Variants in KCNT2 observed in about 807,000 individuals in gnomAD.
The protein encoded by KCNT2 is potassium channel subfamily T member 2.
KCNT2 carries 67 observed loss-of-function variants against 153.8 expected under a neutral mutation model. The ratio of observed to expected loss-of-function variants is 0.44; its 90% CI spans 0.36 to 0.53. The LOEUF (loss-of-function observed/expected upper bound fraction) is 0.53. KCNT2 is among the 20% of genes least tolerant of loss of function. KCNT2 has a pLI of 0.00. For synonymous variants in KCNT2, 500 were observed against 458.8 expected (o/e 1.09, Z -1.15); for missense variants, 975 against 1,354.8 (o/e 0.72, Z 4.40).
rs182433525 is a variant in KCNT2, at chr1:196,298,097, G to A, written c.2595+7137C>T. ...CCAATCACTGGTAGAAATTCTTATCGTTTTGTTCTACCACTGACTATAAAA... is the reference window on the plus strand; with the variant it reads ...CCAATCACTGGTAGAAATTCTTATCATTTTGTTCTACCACTGACTATAAAA... On this transcript the variant is annotated intron_variant, in intron 22 of 27. Coordinates refer to ENST00000294725, the MANE Select transcript of KCNT2 (RefSeq NM_198503.5). Among the ~76,000 whole-genome samples, 175 of 152,124 alleles carry A rather than the reference G, an allele frequency of 1.2e-3. 2 individuals are homozygous for A. Among genetic ancestry groups the A allele is most frequent in the African/African-American group, 3.8e-3 (158 of 41,498 alleles).
At chr1:196,426,132 G>A (rs1008819357) in intron 10 of KCNT2, 144 bp from the exon 11 acceptor site, 6 of 610,184 alleles carry the variant, frequency 9.8e-6, no homozygotes, top group South Asian at 6.4e-5. Flanking sequence ...TTTAAAACCT[G>A]GACATATATT....
intron 12 of KCNT2, among the ~76,000 whole-genome samples, chr1:196,408,037 T>C (rs573229726): frequency 1.4e-4 from 21 of 151,564 alleles, no homozygotes; most frequent in Admixed American, 9.9e-4. Context: ...TCTGCTCCTT[T>C]GGGATGTGAA....
At chr1:196,597,566 A>C (rs890411893) in intron 1 of KCNT2, among the ~76,000 whole-genome samples, 1 of 152,114 alleles carries the variant, frequency 6.6e-6, no homozygotes, top group Non-Finnish European at 1.5e-5. Context: ...CCACAGGATA[A>C]ATTTTCTTTA....
rs1675581226 is a variant in KCNT2, at chr1:196,445,182, T to C, written c.639-15425A>G. 2.6e-5 allele frequency among the ~76,000 whole-genome samples: 4 copies of C among 151,380 alleles called. No individual in the cohort carries two copies. The South Asian group carries it at 8.3e-4, about 31-fold the overall frequency. On this transcript the variant is annotated intron_variant, in intron 8 of 27. Transcript: ENST00000294725. Reference sequence around the variant, plus strand: ...CAGATTTGATAAAAATAAAATAATATATGTATACATCCCATCTTCTTTACT... The same window carrying C: ...CAGATTTGATAAAAATAAAATAATACATGTATACATCCCATCTTCTTTACT...
chr1:196,589,004 A>G (rs1663020443), intron 1 of KCNT2, among the ~76,000 whole-genome samples: 1 of 151,992 alleles, frequency 6.6e-6, no homozygotes, highest in Admixed American at 6.6e-5. Flanking sequence ...AGAATGTAAA[A>G]TATCAACATC....
In KCNT2 at chr1:196,225,788, T is replaced by G. The variant is rs765642161; in HGVS notation, c.*2436A>C. ...AAAAAAAAATCAAGAGTTTTCATCATTAGAAATAATTTTATTATTTATTTT... is the reference window on the plus strand; with the variant it reads ...AAAAAAAAATCAAGAGTTTTCATCAGTAGAAATAATTTTATTATTTATTTT... On this transcript the variant is annotated 3_prime_UTR_variant, in exon 28 of 28. Transcript: ENST00000294725. 6.6e-6 allele frequency: 1 copy of G among 152,194 alleles called. No homozygotes were observed. Among genetic ancestry groups the G allele is most frequent in the Non-Finnish European group, 1.5e-5 (1 of 68,006 alleles). 9.4% of individuals were successfully genotyped at this position (152,194 alleles called of 1,614,324 possible). A position where few individuals can be genotyped will look rare whatever the true frequency, so the allele number is the denominator to read the frequency against.
intron 8 of KCNT2, among the ~76,000 whole-genome samples, chr1:196,457,788 T>C (rs1676807476): frequency 6.6e-6 from 1 of 151,936 alleles, no homozygotes; most frequent in Non-Finnish European, 1.5e-5. Flanking sequence ...GTTAACTTAG[T>C]GAACAGCCTG....
rs555938555 is a variant in KCNT2 at position 196,583,724 on chromosome 1, T to C, written c.95+24491A>G. Among the ~76,000 whole-genome samples, 3 of 151,460 alleles carry C rather than the reference T, an allele frequency of 2.0e-5. No homozygotes were observed. The South Asian group carries it at 6.3e-4, about 32-fold the overall frequency. On this transcript the variant is annotated intron_variant, in intron 1 of 27. Transcript: ENST00000294725. Reference sequence around the variant, plus strand: ...GAGGAGGAGAATCAGAAAAAAAAAATTGTTCATTGGACCTGGCATGAAAAA... The same window carrying C: ...GAGGAGGAGAATCAGAAAAAAAAAACTGTTCATTGGACCTGGCATGAAAAA...
At chr1:196,591,941 TTA>T (rs1448849287) in intron 1 of KCNT2, among the ~76,000 whole-genome samples, 1 of 152,158 alleles carries the variant, frequency 6.6e-6, no homozygotes, top group African/African-American at 2.4e-5. Context: ...ATGCATTTAA[TTA>T]TATGTTTCTG....
intron 26 of KCNT2, among the ~76,000 whole-genome samples, chr1:196,255,122 C>T (rs765983739): frequency 2.0e-5 from 3 of 151,358 alleles, no homozygotes; most frequent in African/African-American, 7.3e-5. Context: ...GAGCAATGTT[C>T]GTGAGCGTGA....
chr1:196,537,324 T>G (rs1655718567), intron 1 of KCNT2, among the ~76,000 whole-genome samples: 1 of 152,190 alleles, frequency 6.6e-6, no homozygotes, highest in South Asian at 2.1e-4. Flanking sequence ...AGGCAAACTG[T>G]TCCTTGCTTT....
At chr1:196,337,998 C>G (rs1041859212) in intron 16 of KCNT2, among the ~76,000 whole-genome samples, 5 of 151,830 alleles carry the variant, frequency 3.3e-5, no homozygotes, top group Admixed American at 2.6e-4. Flanking sequence ...ATTAGGTACT[C>G]AATAAATACT....
Position 196,358,577 on chromosome 1 carries a change from T to C in KCNT2, c.1403+14563A>G, listed in dbSNP as rs73067610. The stretch of plus-strand genomic sequence containing the variant: ...ATTATTGTTTATACTACTCTACTTT[T>C]CAAATACATGCTTGAATCTCTTTTT... On this transcript the variant is annotated intron_variant, in intron 14 of 27. Coordinates refer to ENST00000294725, the MANE Select transcript of KCNT2 (RefSeq NM_198503.5). Among the ~76,000 whole-genome samples, 1,212 of 152,100 alleles carry C rather than the reference T, an allele frequency of 8.0e-3. 19 individuals are homozygous for C. Among genetic ancestry groups the C allele is most frequent in the African/African-American group, 0.028 (1,157 of 41,550 alleles).
chr1:196,567,238 G>A (rs1301412882), intron 1 of KCNT2, among the ~76,000 whole-genome samples: 2 of 151,982 alleles, frequency 1.3e-5, no homozygotes, highest in African/African-American at 4.8e-5. Flanking sequence ...ACTAGACTAT[G>A]TAGCATTTCT....
chr1:196,475,945 T>C (rs1171184451), intron 5 of KCNT2, among the ~76,000 whole-genome samples: 2 of 152,180 alleles, frequency 1.3e-5, no homozygotes, highest in Admixed American at 1.3e-4. Flanking sequence ...ATATTATATA[T>C]CATCTAGCTC....
At chr1:196,369,576 T>C (rs1668340679) in intron 14 of KCNT2, among the ~76,000 whole-genome samples, 2 of 151,242 alleles carry the variant, frequency 1.3e-5, no homozygotes, top group Non-Finnish European at 2.9e-5. Flanking sequence ...ATATGTGGTG[T>C]TTGGTTTTTT....
intron 1 of KCNT2, among the ~76,000 whole-genome samples, chr1:196,499,935 G>C (rs1680537639): frequency 1.3e-5 from 2 of 152,122 alleles, no homozygotes; most frequent in African/African-American, 4.8e-5. Context: ...CCTGAGGTCA[G>C]GAGTTCTAGA....
chr1:196,342,426 A>ATATATATATATATATATATATATATG (rs1553292539), intron 14 of KCNT2, among the ~76,000 whole-genome samples, 198 bp from the exon 15 acceptor site: 2 of 115,466 alleles, frequency 1.7e-5, no homozygotes, highest in African/African-American at 6.3e-5. Flanking sequence ...AATACTATAT[A>ATATATATATATATATATATATATATG]TATATATATA....
intron 12 of KCNT2, among the ~76,000 whole-genome samples, chr1:196,401,156 A>C (rs1324633353): frequency 6.6e-6 from 1 of 151,868 alleles, no homozygotes; most frequent in Non-Finnish European, 1.5e-5. Flanking sequence ...GTGAAGCACT[A>C]CCAACCTCAA....
Sources: allele counts gnomAD v4.1 joint callset (sites outside exome capture counted in the v4.1 genomes callset), GRCh38; gene constraint gnomAD v4.1.1; transcripts MANE v1.5; gene names NCBI Gene and HGNC (gene_info 2026-07-23, HGNC 2026-07-21).